Variants in GPC5 observed in about 807,000 individuals in gnomAD.
The protein encoded by GPC5 is glypican 5, also known as glypican-5.
Under a neutral mutation model 53.9 loss-of-function variants are expected in GPC5, and 47 were observed. The ratio of observed to expected loss-of-function variants is 0.87; its 90% CI spans 0.69 to 1.11. GPC5 has a LOEUF of 1.11. Ranked by LOEUF, GPC5 falls within the 50% of genes most tolerant of loss-of-function variation. The pLI is 0.00. For missense variants in GPC5, 748 were observed against 713.1 expected (o/e 1.05, Z -0.56); for synonymous variants, 286 against 263.3 (o/e 1.09, Z -0.84).
rs1202922571 is a variant in GPC5, at chr13:91,693,615, C to T, written c.754C>T (p.Leu252Phe). Residue 252 changes from leucine to phenylalanine, a missense_variant, in exon 3 of 8, where the codon CTC becomes TTC. By Grantham distance (22) the Leu-to-Phe change is conservative. Coordinates refer to ENST00000377067, the MANE Select transcript of GPC5 (RefSeq NM_004466.6). ...CTTCTCCAAAGAGTGCAGCAGAGCC[C>T]TCCTGAAGATGCAATACTGCCCGCA... Reference protein sequence around the residue: ...LHFSKECSRALLKMQYCPHCQ... With the variant: ...LHFSKECSRAFLKMQYCPHCQ... The T allele has an allele frequency of 1.2e-6, 2 of 1,614,134 alleles. No individual in the cohort carries two copies. The highest frequency in any genetic ancestry group is 1.3e-5 in the African/African-American group (1 of 75,056).
intron 7 of GPC5, among the ~76,000 whole-genome samples, chr13:92,583,481 G>A (rs962044444): frequency 2.0e-5 from 3 of 152,158 alleles, no homozygotes; most frequent in Non-Finnish European, 2.9e-5. Context: ...TTTTAAAAGT[G>A]AAGAACAGCA....
At chr13:92,758,598 C>T (rs1231073348) in intron 7 of GPC5, among the ~76,000 whole-genome samples, 1 of 152,054 alleles carries the variant, frequency 6.6e-6, no homozygotes, top group Non-Finnish European at 1.5e-5. Flanking sequence ...CATTCTTTGG[C>T]TGTTATAGCC....
intron 7 of GPC5, among the ~76,000 whole-genome samples, chr13:92,310,442 A>T (rs936287492): frequency 6.6e-6 from 1 of 152,202 alleles, no homozygotes; most frequent in Non-Finnish European, 1.5e-5. Flanking sequence ...CAACATAGAC[A>T]TCTACTTTTG....
intron 7 of GPC5, among the ~76,000 whole-genome samples, chr13:92,533,594 A>G (rs1881630949): frequency 6.6e-6 from 1 of 152,144 alleles, no homozygotes; most frequent in Admixed American, 6.6e-5. Flanking sequence ...CCTCAGCCCC[A>G]TGTCTTGGTT....
chr13:92,324,460 T>C (rs1026743619), intron 7 of GPC5, among the ~76,000 whole-genome samples: 1 of 151,960 alleles, frequency 6.6e-6, no homozygotes, highest in Non-Finnish European at 1.5e-5. Flanking sequence ...GTATAGAATG[T>C]TTGCTGTAGG....
intron 7 of GPC5, among the ~76,000 whole-genome samples, chr13:92,728,758 C>T (rs762104010): frequency 2.6e-4 from 39 of 151,332 alleles, no homozygotes; most frequent in East Asian, 5.8e-4. Context: ...ATCTAAATTT[C>T]GAACCATTTT....
intron 4 of GPC5, among the ~76,000 whole-genome samples, chr13:91,754,255 T>G (rs966838609): frequency 5.9e-5 from 9 of 152,098 alleles, no homozygotes; most frequent in African/African-American, 1.9e-4. Context: ...ACATAATCTC[T>G]GGAATATCAA....
intron 7 of GPC5, among the ~76,000 whole-genome samples, chr13:92,567,506 G>C (rs1312247090): frequency 1.3e-5 from 2 of 152,146 alleles, no homozygotes; most frequent in Non-Finnish European, 2.9e-5. Context: ...TGAATGCTGT[G>C]AATCAACTGA....
intron 7 of GPC5, among the ~76,000 whole-genome samples, chr13:92,713,074 G>A (rs2052588703): frequency 6.6e-6 from 1 of 151,778 alleles, no homozygotes. Flanking sequence ...CATCCAATAT[G>A]ACTGGTGTCC....
chr13:91,941,722 T>A (rs2039929046), intron 6 of GPC5, among the ~76,000 whole-genome samples: 1 of 152,158 alleles, frequency 6.6e-6, no homozygotes, highest in South Asian at 2.1e-4. Flanking sequence ...TTCATGTATG[T>A]TTCCTCAATC....
rs530636515 is a variant in GPC5 at position 92,735,076 on chromosome 13, C to G, written c.1562-131206C>G. The stretch of plus-strand genomic sequence containing the variant: ...GCTTTTTAATCAAATTCTCTCTTAA[C>G]TACATATTGCCAACAAATAGAAAAA... On this transcript the variant is annotated intron_variant, in intron 7 of 7. Coordinates refer to ENST00000377067, the MANE Select transcript of GPC5 (RefSeq NM_004466.6). Among the ~76,000 whole-genome samples the G allele has an allele frequency of 7.9e-5, 12 of 152,034 alleles. 1 individual carries two copies. In the South Asian group the frequency reaches 2.3e-3, roughly 29 times the overall value.
chr13:91,511,852 C>G (rs778140163), intron 2 of GPC5, among the ~76,000 whole-genome samples: 1 of 151,948 alleles, frequency 6.6e-6, no homozygotes, highest in Non-Finnish European at 1.5e-5. Context: ...CTTCTATGGA[C>G]TATATACTTG....
chr13:91,459,054 C>G (rs576292470), intron 2 of GPC5, among the ~76,000 whole-genome samples: 1 of 151,438 alleles, frequency 6.6e-6, no homozygotes, highest in African/African-American at 2.4e-5. Context: ...TTTGGGGACT[C>G]GTGAGGAAGG....
intron 1 of GPC5, among the ~76,000 whole-genome samples, chr13:91,408,973 A>C (rs1344874182): frequency 1.3e-5 from 2 of 152,336 alleles, no homozygotes; most frequent in Admixed American, 1.3e-4. Flanking sequence ...AAAGCACACC[A>C]AGAGTGTGTC....
At chr13:91,765,861 G>C (rs1180393704) in intron 5 of GPC5, among the ~76,000 whole-genome samples, 1 of 152,178 alleles carries the variant, frequency 6.6e-6, no homozygotes, top group Non-Finnish European at 1.5e-5. Flanking sequence ...AATTCAGTGA[G>C]TGGGAGAAAG....
At chr13:91,482,497 TA>T (rs1883361092) in intron 2 of GPC5, among the ~76,000 whole-genome samples, 1 of 152,212 alleles carries the variant, frequency 6.6e-6, no homozygotes, top group South Asian at 2.1e-4. Context: ...TCTCATAGTG[TA>T]ATCCAAAATC....
chr13:92,137,387 C>T lies in GPC5; in HGVS notation c.1402-7443C>T, dbSNP rs541313480. 5.9e-5 allele frequency among the ~76,000 whole-genome samples: 9 copies of T among 152,220 alleles called. No homozygotes were observed. The South Asian group carries it at 1.2e-3, about 21-fold the overall frequency. ...ACTGTTTATTTTATAATTAGGTAGA[C>T]GCAAATGACAGAGTCAAGGCAGAGT... On this transcript the variant is annotated intron_variant, in intron 6 of 7. Transcript: ENST00000377067.
intron 1 of GPC5, among the ~76,000 whole-genome samples, chr13:91,447,540 T>C (rs1393356269): frequency 3.3e-5 from 5 of 152,210 alleles, no homozygotes. Flanking sequence ...GAGATTTTGG[T>C]GTCCCATGTT....
At chr13:91,435,502 A>G (rs1466157792) in intron 1 of GPC5, among the ~76,000 whole-genome samples, 1 of 152,160 alleles carries the variant, frequency 6.6e-6, no homozygotes, top group Non-Finnish European at 1.5e-5. Context: ...TGATTTGCGT[A>G]TGTTGAACCA....
Sources: allele counts gnomAD v4.1 joint callset (sites outside exome capture counted in the v4.1 genomes callset), GRCh38; gene constraint gnomAD v4.1.1; transcripts MANE v1.5; gene names NCBI Gene and HGNC (gene_info 2026-07-23, HGNC 2026-07-21).